The following PRMT1 variants were observed in gnomAD, a reference collection of about 807,000 sequenced individuals.
PRMT1 encodes the protein protein arginine N-methyltransferase 1.
PRMT1 carries 5 observed loss-of-function variants against 47.4 expected under a neutral mutation model. That is an observed-to-expected ratio of 0.11 (90% confidence interval 0.06 to 0.22). PRMT1 has a LOEUF of 0.22. PRMT1 is among the 10% of genes least tolerant of loss of function. The pLI, the probability that PRMT1 is intolerant of heterozygous loss-of-function variation, is 1.00. For synonymous variants in PRMT1, 227 were observed against 204.6 expected (o/e 1.11, Z -0.94); for missense variants, 249 against 518.4 (o/e 0.48, Z 5.05).
intron 1 of PRMT1, chr19:49,679,457 C>T: frequency 4.2e-6 from 2 of 479,150 alleles, no homozygotes; most frequent in South Asian, 1.5e-5. Flanking sequence ...AGCCCCGCTC[C>T]CTTCTGCTAT....
In PRMT1 at chr19:49,684,742, G is replaced by A. The variant is rs376397627; in HGVS notation, c.556-12G>A. 1.5e-4 allele frequency: 227 copies of A among 1,551,260 alleles called. No individual in the cohort carries two copies. The highest frequency in any genetic ancestry group is 1.8e-4 in the Admixed American group (9 of 51,030). ...GGCCCCACCCTTCATGCCTCGCCCT[G>A]CCCCTCTGTAGGCGCCCGATGGCCT... On this transcript the variant is annotated splice_polypyrimidine_tract_variant and intron_variant, in intron 6 of 10. Coordinates refer to ENST00000454376, the MANE Select transcript of PRMT1 (RefSeq NM_001536.6). This position sits in a 1 kb window ranked among gnomAD's most constrained non-coding sequence, Gnocchi z 6.2.
In PRMT1 at chr19:49,680,396, C is replaced by G. The variant is rs1384668334; in HGVS notation, c.91-91C>G. On this transcript the variant is annotated intron_variant, in intron 2 of 10. Coordinates refer to ENST00000454376, the MANE Select transcript of PRMT1 (RefSeq NM_001536.6). The surrounding 1 kb of genome is among the most constrained non-coding windows in gnomAD (Gnocchi z 4.2). ...ATGGTATGATTTTGGGGGTTCTATA[C>G]TACTCTTCAGGGAAAAGTAGGGCGC... 1 of 1,205,710 alleles carries G rather than the reference C, an allele frequency of 8.3e-7. No homozygotes were observed. Among genetic ancestry groups the G allele is most frequent in the Non-Finnish European group, 1.2e-6 (1 of 816,068 alleles). 74.7% of individuals were successfully genotyped at this position (1,205,710 alleles called of 1,614,324 possible).
intron 9 of PRMT1, among the ~76,000 whole-genome samples, 175 bp downstream of exon 9, chr19:49,686,418 T>C (rs143840166): frequency 0.013 from 1,939 of 152,172 alleles, 11 homozygotes; most frequent in Middle Eastern, 0.02. Flanking sequence ...GAGTGTGCAG[T>C]GCCTCAGTTT....
upstream of PRMT1, chr19:49,677,129 G>A (rs2082045772): frequency 3.3e-6 from 2 of 601,552 alleles, no homozygotes; most frequent in South Asian, 1.1e-4. Flanking sequence ...TTACTAGACG[G>A]TATTCTCAGA....
intron 10 of PRMT1, 168 bp from the exon 11 acceptor site, chr19:49,687,994 C>G: frequency 1.5e-6 from 1 of 679,948 alleles, no homozygotes; most frequent in East Asian, 2.7e-5. Flanking sequence ...GGTGCTGTCC[C>G]TTGGCAGGGT....
rs1174040574 is a variant in PRMT1, at chr19:49,684,009, C to T, written c.495C>T (p.Gly165=). The T allele has an allele frequency of 1.9e-6, 3 of 1,614,190 alleles. No homozygotes were observed. The highest frequency in any genetic ancestry group is 1.3e-5 in the African/African-American group (1 of 75,052). ...ACATCATCATCAGCGAGTGGATGGG[C>T]TACTGCCTCTTCTACGAGTCCATGC... ...KVDIIISEWM[G]YCLFYESMLN... is the part of the protein sequence containing the mutation. The change falls in exon 6 of 11, where the codon GGC becomes GGT. Residue 165 remains glycine, a synonymous_variant. Transcript: ENST00000454376. The surrounding 1 kb of genome is among the most constrained non-coding windows in gnomAD (Gnocchi z 6.2).
At chr19:49,676,953 T>G, upstream of PRMT1, 1 of 299,802 alleles carries the variant, frequency 3.3e-6, no homozygotes, top group Non-Finnish European at 6.1e-6. Flanking sequence ...GAGGCGGTGC[T>G]GGGTGTAAAG....
In PRMT1 at chr19:49,686,605, G is replaced by T. The variant is rs1413789980; in HGVS notation, c.911G>T (p.Ser304Ile). ...RCHKRTGFST[S>I]PESPYTHWKQ... ...CCGGCTGACCCGCCCGCGCCCCCAG[G>T]CCCCGAGTCCCCGTACACGCACTGG... Residue 304 changes from serine (S) to isoleucine (I), a missense_variant and splice_region_variant, in exon 10 of 11, where the codon AGC (serine) becomes ATC (isoleucine). Physicochemically the swap from Ser to Ile is moderately radical, Grantham distance 142. Transcript: ENST00000454376. 6.2e-7 allele frequency: 1 copy of T among 1,610,446 alleles called. No homozygotes were observed.
chr19:49,677,826 G>A (rs1386742615), intron 1 of PRMT1, among the ~76,000 whole-genome samples: 1 of 152,102 alleles, frequency 6.6e-6, no homozygotes, highest in South Asian at 2.1e-4. Flanking sequence ...GTGCTTCTCA[G>A]CCCTTTACCA....
chr19:49,682,763 T>G (rs2082138096), intron 5 of PRMT1, among the ~76,000 whole-genome samples: 1 of 149,792 alleles, frequency 6.7e-6, no homozygotes, highest in Non-Finnish European at 1.5e-5. Flanking sequence ...ACCACCATCA[T>G]AGGTACATCC....
chr19:49,685,142 C>G lies in PRMT1; in HGVS notation c.759+105C>G, dbSNP rs1344570553. On this transcript the variant is annotated intron_variant, in intron 8 of 10. Transcript: ENST00000454376. This position sits in a 1 kb window ranked among gnomAD's most constrained non-coding sequence, Gnocchi z 4.7. ...GGGGCCCAGAATGTTGGCCTGAGGT[C>G]TCAGAGCCTGATCTGCCAGCCAGAG... The G allele has an allele frequency of 1.9e-6, 3 of 1,569,866 alleles. No individual in the cohort carries two copies. Among genetic ancestry groups the G allele is most frequent in the Non-Finnish European group, 2.6e-6 (3 of 1,158,004 alleles).
At chr19:49,676,622 C>G (rs1256570179), upstream of PRMT1, among the ~76,000 whole-genome samples, 3 of 152,200 alleles carry the variant, frequency 2.0e-5, no homozygotes, top group Non-Finnish European at 4.4e-5. Flanking sequence ...GGGCCTCTCA[C>G]CGATTCCGTT....
In PRMT1 at chr19:49,685,156, T is replaced by G; in HGVS notation, c.759+119T>G. On this transcript the variant is annotated intron_variant, in intron 8 of 10. Transcript: ENST00000454376. The surrounding 1 kb of genome is among the most constrained non-coding windows in gnomAD (Gnocchi z 4.7). ...TGGCCTGAGGTCTCAGAGCCTGATC[T>G]GCCAGCCAGAGGTGGTGCTAGAGGC... is the stretch of plus-strand genomic sequence containing the variant. The G allele has an allele frequency of 1.3e-6, 2 of 1,559,784 alleles. No homozygotes were observed. Among genetic ancestry groups the G allele is most frequent in the Non-Finnish European group, 8.7e-7 (1 of 1,153,130 alleles).
intron 5 of PRMT1, among the ~76,000 whole-genome samples, chr19:49,683,260 G>A (rs2082147694): frequency 6.6e-6 from 1 of 151,874 alleles, no homozygotes; most frequent in Non-Finnish European, 1.5e-5. Context: ...GAACGCACGA[G>A]TCCATTTGAA....
At position 49,685,632 on chromosome 19, in the gene PRMT1, G is replaced by A. The variant is rs564348915; in HGVS notation, c.760-461G>A. On this transcript the variant is annotated intron_variant, in intron 8 of 10. Transcript: ENST00000454376. This position sits in a 1 kb window ranked among gnomAD's most constrained non-coding sequence, Gnocchi z 4.7. ...GGGTGGCTGACCGGGGGATCCTGTC[G>A]GGGAGGAGTAAGTTGTTGAGTGGGG... is the stretch of plus-strand genomic sequence containing the variant. 3.2e-3 allele frequency: 3,255 copies of A among 1,019,512 alleles called. 7 individuals are homozygous for A. Among genetic ancestry groups the A allele is most frequent in the Admixed American group, 4.7e-3 (90 of 18,950 alleles). 63.2% of individuals were successfully genotyped at this position (1,019,512 alleles called of 1,614,324 possible).
rs571450997 is a variant in PRMT1 at position 49,680,141 on chromosome 19, C to A, written c.90+216C>A. 1.5e-6 allele frequency: 2 copies of A among 1,368,856 alleles called. No individual in the cohort carries two copies. The highest frequency in any genetic ancestry group is 2.4e-5 in the East Asian group (1 of 41,282). 84.8% of individuals were successfully genotyped at this position (1,368,856 alleles called of 1,614,324 possible). Reference sequence around the variant, plus strand: ...TACTTCCTTAACTCCACCTCCAACCCCCCTTTGCCCTTCCCTGTGTCTGCC... The same window carrying A: ...TACTTCCTTAACTCCACCTCCAACCACCCTTTGCCCTTCCCTGTGTCTGCC... On this transcript the variant is annotated intron_variant, in intron 2 of 10. Transcript: ENST00000454376. The surrounding 1 kb of genome is among the most constrained non-coding windows in gnomAD (Gnocchi z 4.2).
chr19:49,685,517 TG>T lies in PRMT1; in HGVS notation c.759+481del, dbSNP rs919146852. The T allele has an allele frequency of 4.8e-5, 49 of 1,019,704 alleles. No individual in the cohort carries two copies. The highest frequency in any genetic ancestry group is 1.7e-4 in the African/African-American group (10 of 57,706). The allele number at this position is 1,019,704 out of a possible 1,614,324, so 63.2% of individuals were successfully genotyped here. A position where few individuals can be genotyped will look rare whatever the true frequency, so the allele number is the denominator to read the frequency against. ...AATGTTTTGTTTTGTTTTTTCCTTT[TG>T]TTTTTTTTTACTTCTGAGACCCTGT... On this transcript the variant is annotated intron_variant, in intron 8 of 10. Transcript: ENST00000454376. The surrounding 1 kb of genome is among the most constrained non-coding windows in gnomAD (Gnocchi z 4.7).
At chr19:49,682,319 G>A in intron 5 of PRMT1, 60 bp downstream of exon 5, 1 of 1,561,180 alleles carries the variant, frequency 6.4e-7, no homozygotes, top group Non-Finnish European at 8.8e-7. Flanking sequence ...TGCTTCCCCA[G>A]GGCCCTCTGA....
In PRMT1 at chr19:49,684,847, C is replaced by A. The variant is rs372587638; in HGVS notation, c.643+6C>A. 6.2e-7 allele frequency: 1 copy of A among 1,612,004 alleles called. No individual in the cohort carries two copies. The highest frequency in any genetic ancestry group is 1.1e-5 in the South Asian group (1 of 90,958). ...CAAAGACTACAAGATCCACTGTGAGCGCGGCCCGGGAGCTGGCGGGCGGGG... is the reference window on the plus strand; with the variant it reads ...CAAAGACTACAAGATCCACTGTGAGAGCGGCCCGGGAGCTGGCGGGCGGGG... On this transcript the variant is annotated splice_donor_region_variant and intron_variant, in intron 7 of 10. Coordinates refer to ENST00000454376, the MANE Select transcript of PRMT1 (RefSeq NM_001536.6). This position sits in a 1 kb window ranked among gnomAD's most constrained non-coding sequence, Gnocchi z 6.2.
Sources: gnomAD v4.1 joint callset for allele counts (sites outside exome capture counted in the v4.1 genomes callset) on GRCh38, gnomAD v4.1.1 for gene constraint, Gnocchi (gnomAD v3.1) non-coding constraint, MANE v1.5 for transcripts, NCBI Gene and HGNC (gene_info 2026-07-23, HGNC 2026-07-21) for gene names.